Variants in RBM19 observed in about 807,000 individuals in gnomAD.
The protein encoded by RBM19 is RNA binding motif protein 19.
RBM19 carries 94 observed loss-of-function variants against 116.8 expected under a neutral mutation model. The observed-to-expected ratio is 0.80, with a 90% CI of 0.68 to 0.95. The LOEUF is 0.95. RBM19 is among the 40% of genes least tolerant of loss of function. The probability of loss-of-function intolerance (pLI) is 0.00; values close to 1 mark genes in which losing one functional copy is unlikely to be tolerated. For synonymous variants in RBM19, 475 were observed against 494.1 expected, an observed-to-expected ratio of 0.96 and a Z score of 0.51; for missense variants, 1,161 against 1,220.7, an observed-to-expected ratio of 0.95 and a Z score of 0.73.
Position 113,825,745 on chromosome 12 carries a change from TAAGA to T in RBM19, c.2786-2428_2786-2425del, listed in dbSNP as rs1187453076. Among the ~76,000 whole-genome samples the T allele has an allele frequency of 1.3e-5, 2 of 152,158 alleles. No homozygotes were observed. The highest frequency in any genetic ancestry group is 4.8e-5 in the African/African-American group (2 of 41,444). ...CCATCCATTGTGTCGGCTCAACCTG[TAAGA>T]TAGAGCTGGACTTGGGGTGCTTCTT... On this transcript the variant is annotated intron_variant, in intron 23 of 23. Transcript: ENST00000261741. The surrounding 1 kb of genome is among the most constrained non-coding windows in gnomAD (Gnocchi z 5.7).
intron 15 of RBM19, among the ~76,000 whole-genome samples, chr12:113,938,703 G>A (rs1870290523): frequency 6.6e-6 from 1 of 152,194 alleles, no homozygotes; most frequent in African/African-American, 2.4e-5. Context: ...TAAATCCAAT[G>A]ACAAGTGTCC....
chr12:113,943,415 A>G lies in RBM19; in HGVS notation c.1627-981T>C, dbSNP rs1423278540. On this transcript the variant is annotated intron_variant, in intron 13 of 23. Transcript: ENST00000261741. ...CAGAGCCCCTCAGTATGTGAAATGC[A>G]ACGCGACACATCCAAAGTGCTCTCC... Among the ~76,000 whole-genome samples, 3 of 152,192 alleles carry G rather than the reference A, an allele frequency of 2.0e-5. No individual in the cohort carries two copies. In the East Asian group the frequency reaches 5.8e-4, roughly 29 times the overall value.
chr12:113,887,647 A>AAAG (rs1880632877), intron 21 of RBM19, among the ~76,000 whole-genome samples: 1 of 149,970 alleles, frequency 6.7e-6, no homozygotes, highest in East Asian at 2.0e-4. Flanking sequence ...AAAAAAAAAA[A>AAAG]AAAAGAAAAA....
intron 1 of RBM19, among the ~76,000 whole-genome samples, chr12:113,965,265 G>A (rs117171899): frequency 0.043 from 6,302 of 145,062 alleles, 336 homozygotes; most frequent in Admixed American, 0.16. Context: ...CTGGGAGACA[G>A]AGCCAGACTC....
chr12:113,846,227 T>C (rs527490745), intron 22 of RBM19, among the ~76,000 whole-genome samples: 15 of 152,228 alleles, frequency 9.9e-5, no homozygotes, highest in African/African-American at 3.4e-4. Context: ...AGAGCACCAG[T>C]GGGTACAAGA....
chr12:113,938,465 G>A lies in RBM19; in HGVS notation c.1939-1329C>T, dbSNP rs911072762. ...ATACCTATCTCTAAGAATTGCTGGG[G>A]GGGACATGAATATCTATCTCTAAGA... is the stretch of plus-strand genomic sequence containing the variant. On this transcript the variant is annotated intron_variant, in intron 15 of 23. Coordinates refer to ENST00000261741, the MANE Select transcript of RBM19 (RefSeq NM_016196.4). Among the ~76,000 whole-genome samples the A allele has an allele frequency of 6.6e-5, 8 of 121,588 alleles. No individual in the cohort carries two copies. The South Asian group carries it at 2.1e-3, about 32-fold the overall frequency. 79.8% of individuals were successfully genotyped at this position (121,588 alleles called of 152,430 possible).
downstream of RBM19, among the ~76,000 whole-genome samples, chr12:113,820,458 C>T (rs534612897): frequency 8.4e-4 from 128 of 152,094 alleles, 1 homozygote; most frequent in Admixed American, 3.4e-3. Context: ...GGAGGAAGGC[C>T]GGGACAGCGA....
In RBM19 at chr12:113,903,953, A is replaced by T. The variant is rs1430202686; in HGVS notation, c.2558+11016T>A. On this transcript the variant is annotated intron_variant, in intron 21 of 23. Coordinates refer to ENST00000261741, the MANE Select transcript of RBM19 (RefSeq NM_016196.4). The surrounding 1 kb of genome is among the most constrained non-coding windows in gnomAD (Gnocchi z 5.1). ...GGACCATGGGATTCTGTTGAGCTAC[A>T]TCCCACAGCTGGTTAATGTGAACCC... 1.3e-5 allele frequency among the ~76,000 whole-genome samples: 2 copies of T among 152,222 alleles called. No homozygotes were observed. Among genetic ancestry groups the T allele is most frequent in the Non-Finnish European group, 2.9e-5 (2 of 68,042 alleles).
chr12:113,901,493 T>C (rs1269831103), intron 21 of RBM19, among the ~76,000 whole-genome samples: 3 of 151,510 alleles, frequency 2.0e-5, no homozygotes, highest in Non-Finnish European at 4.4e-5. Context: ...AGGAATTCCT[T>C]CTTTTATTCA....
In RBM19 at chr12:113,903,490, T is replaced by C. The variant is rs6489926; in HGVS notation, c.2558+11479A>G. On this transcript the variant is annotated intron_variant, in intron 21 of 23. Transcript: ENST00000261741. This position sits in a 1 kb window ranked among gnomAD's most constrained non-coding sequence, Gnocchi z 5.1. ...TGTTGATGCCCAAGAGTGCAATCACTGGGTCATAGAGAAAGTGCACGTTTT... is the reference window on the plus strand; with the variant it reads ...TGTTGATGCCCAAGAGTGCAATCACCGGGTCATAGAGAAAGTGCACGTTTT... Among the ~76,000 whole-genome samples, 17,422 of 152,232 alleles carry C rather than the reference T, an allele frequency of 0.11. 1,851 individuals carry two copies. The highest frequency in any genetic ancestry group is 0.26 in the African/African-American group (10,724 of 41,524).
At chr12:113,828,480 G>A (rs984574835) in intron 23 of RBM19, among the ~76,000 whole-genome samples, 1 of 151,626 alleles carries the variant, frequency 6.6e-6, no homozygotes, top group African/African-American at 2.4e-5. Context: ...GTCGGAGACA[G>A]AACTGATTCC....
chr12:113,844,477 C>T (rs952557232), intron 23 of RBM19, among the ~76,000 whole-genome samples, 191 bp downstream of exon 23: 3 of 152,294 alleles, frequency 2.0e-5, no homozygotes, highest in East Asian at 1.9e-4. Context: ...GCCAGCCTCC[C>T]GGCAGGGAGT....
chr12:113,868,640 A>G (rs937374688), intron 21 of RBM19, among the ~76,000 whole-genome samples: 1 of 152,214 alleles, frequency 6.6e-6, no homozygotes, highest in African/African-American at 2.4e-5. Flanking sequence ...AAGGAAAGCT[A>G]TTAGCATCTC....
intron 22 of RBM19, among the ~76,000 whole-genome samples, chr12:113,853,802 T>C (rs141572609): frequency 9.3e-4 from 141 of 152,242 alleles, no homozygotes; most frequent in African/African-American, 3.2e-3. Flanking sequence ...AGTGTGCTAG[T>C]GGGGGCAGCT....
At chr12:113,878,877 G>A (rs1387412979) in intron 21 of RBM19, among the ~76,000 whole-genome samples, 4 of 151,428 alleles carry the variant, frequency 2.6e-5, no homozygotes, top group Non-Finnish European at 2.9e-5. Context: ...ATTGGGGGAG[G>A]AGATGTACGT....
intron 23 of RBM19, among the ~76,000 whole-genome samples, chr12:113,828,499 G>A (rs891452172): frequency 2.0e-5 from 3 of 152,100 alleles, no homozygotes; most frequent in South Asian, 4.2e-4. Flanking sequence ...CCAAGAGGCC[G>A]GGGTGAAGGG....
intron 21 of RBM19, among the ~76,000 whole-genome samples, chr12:113,861,710 C>T (rs907421876): frequency 6.6e-6 from 1 of 152,028 alleles, no homozygotes; most frequent in African/African-American, 2.4e-5. Flanking sequence ...TAGAGAAAAA[C>T]GCTGTTGAGG....
At chr12:113,851,773 G>C (rs543830228) in intron 22 of RBM19, among the ~76,000 whole-genome samples, 99 of 151,142 alleles carry the variant, frequency 6.6e-4, no homozygotes, top group Admixed American at 2.5e-3. Flanking sequence ...TTTTAGGCTG[G>C]GTGCGGTGGC....
At chr12:113,829,676 C>T (rs892451692) in intron 23 of RBM19, among the ~76,000 whole-genome samples, 3 of 152,190 alleles carry the variant, frequency 2.0e-5, no homozygotes, top group Non-Finnish European at 4.4e-5. Flanking sequence ...TTGGTGGTCC[C>T]AGCCTTCTCT....
Sources: gnomAD v4.1 joint callset for allele counts (sites outside exome capture counted in the v4.1 genomes callset) on GRCh38, gnomAD v4.1.1 for gene constraint, Gnocchi (gnomAD v3.1) non-coding constraint, MANE v1.5 for transcripts, NCBI Gene and HGNC (gene_info 2026-07-23, HGNC 2026-07-21) for gene names.